The following DCDC2C variants were observed in gnomAD, a reference collection of about 807,000 sequenced individuals.
DCDC2C encodes the protein doublecortin domain-containing protein 2C.
In DCDC2C, 44 loss-of-function variants were observed where a neutral mutation model predicts 45.0. The ratio of observed to expected loss-of-function variants is 0.98; its 90% CI spans 0.77 to 1.26. The LOEUF (loss-of-function observed/expected upper bound fraction) is 1.26. DCDC2C is among the 50% of genes most tolerant of loss of function. DCDC2C has a pLI of 0.00. For synonymous variants in DCDC2C, 187 were observed against 178.8 expected (o/e 1.05, Z -0.37); for missense variants, 447 against 468.9 (o/e 0.95, Z 0.43).
intron 3 of DCDC2C, among the ~76,000 whole-genome samples, chr2:3,736,634 G>C (rs542507895): frequency 6.6e-6 from 1 of 152,298 alleles, no homozygotes; most frequent in South Asian, 2.1e-4. Context: ...ACCCAAAAGA[G>C]CCCATGGTTT....
In DCDC2C at chr2:3,837,622, A is replaced by ATACAGTATCAAG. The variant is rs1558249632; in HGVS notation, c.1066-9532_1066-9531insTACAGTATCAAG. Among the ~76,000 whole-genome samples, 35 of 124,468 alleles carry ATACAGTATCAAG rather than the reference A, an allele frequency of 2.8e-4. 8 individuals are homozygous for ATACAGTATCAAG. Among genetic ancestry groups the ATACAGTATCAAG allele is most frequent in the Non-Finnish European group, 4.1e-4 (22 of 53,990 alleles). 81.7% of individuals were successfully genotyped at this position (124,468 alleles called of 152,430 possible). A position where few individuals can be genotyped will look rare whatever the true frequency, so the allele number is the denominator to read the frequency against. On this transcript the variant is annotated intron_variant, in intron 10 of 10. Transcript: ENST00000399143. ...TCATCTAAAGGGGAAGAAACTGAGG[A>ATACAGTATCAAG]AGAAATCAGCCTTTGGCTCCCCCTT... is the stretch of plus-strand genomic sequence containing the variant.
intron 8 of DCDC2C, among the ~76,000 whole-genome samples, chr2:3,776,215 G>GTA (rs1412934663): frequency 8.5e-5 from 13 of 152,086 alleles, no homozygotes; most frequent in Admixed American, 5.9e-4. Flanking sequence ...AGTCCTTCTG[G>GTA]CTGGCATATG....
chr2:3,800,100 C>T (rs936242418), intron 10 of DCDC2C, among the ~76,000 whole-genome samples: 20 of 152,226 alleles, frequency 1.3e-4, no homozygotes, highest in Non-Finnish European at 1.9e-4. Flanking sequence ...GTTGGAAAAG[C>T]GCAGTATTCG....
At chr2:3,740,654 ATT>A (rs147711821) in intron 3 of DCDC2C, among the ~76,000 whole-genome samples, 2,701 of 152,318 alleles carry the variant, frequency 0.018, 77 homozygotes, top group African/African-American at 0.062. Flanking sequence ...ACATGGATAA[ATT>A]CTGATATAAC....
rs1669222897 is a variant in DCDC2C at position 3,741,931 on chromosome 2, A to G, written c.428A>G (p.Asn143Ser). Residue 143 changes from asparagine to serine, a missense_variant, in exon 4 of 11, where the codon AAT becomes AGT. By Grantham distance (46) the Asn-to-Ser change is conservative (BLOSUM62 1). Transcript: ENST00000399143. The part of the protein sequence containing the change: ...RISRHINVFT[N>S]GRLFIPPAKI... Reference sequence around the variant, plus strand: ...TTTTATTCTTACAGTGTTTTTACAAATGGAAGATTATTTATTCCACCTGCA... The same window carrying G: ...TTTTATTCTTACAGTGTTTTTACAAGTGGAAGATTATTTATTCCACCTGCA... The G allele has an allele frequency of 1.3e-6, 2 of 1,547,280 alleles. No individual in the cohort carries two copies. The highest frequency in any genetic ancestry group is 2.4e-5 in the South Asian group (2 of 82,852).
At position 3,723,516 on chromosome 2, in the gene DCDC2C, G is replaced by A. The variant is rs531935156; in HGVS notation, c.340-3487G>A. Among the ~76,000 whole-genome samples the A allele has an allele frequency of 5.9e-5, 9 of 152,324 alleles. No individual in the cohort carries two copies. The South Asian group carries it at 1.9e-3, about 32-fold the overall frequency. ...CATGGCCAGAGAGCAGGGAGGCTGG[G>A]AGGGGTGCAGAGACATGGCAGAGAG... is the stretch of plus-strand genomic sequence containing the variant. On this transcript the variant is annotated intron_variant, in intron 2 of 10. Transcript: ENST00000399143.
At chr2:3,816,125 C>T (rs752509530) in intron 10 of DCDC2C, among the ~76,000 whole-genome samples, 12 of 151,582 alleles carry the variant, frequency 7.9e-5, no homozygotes, top group Non-Finnish European at 7.4e-5. Context: ...TGGTAAGGGG[C>T]GATATTGTGG....
intron 2 of DCDC2C, among the ~76,000 whole-genome samples, chr2:3,717,656 A>G (rs1262858649): frequency 6.6e-6 from 1 of 151,436 alleles, no homozygotes; most frequent in Non-Finnish European, 1.5e-5. Context: ...ACATTAAGTC[A>G]CTCCTCTTGG....
chr2:3,726,899 C>T (rs1443215811), intron 2 of DCDC2C, 104 bp from the exon 3 acceptor site: 3 of 1,005,720 alleles, frequency 3.0e-6, no homozygotes, highest in African/African-American at 1.6e-5. Flanking sequence ...CAAAGGGGTT[C>T]CCCCCCTTTC....
chr2:3,820,523 G>A (rs11694096), intron 10 of DCDC2C, among the ~76,000 whole-genome samples: 58,947 of 151,974 alleles, frequency 0.39, 11,428 homozygotes, highest in South Asian at 0.46. Flanking sequence ...AGGCAGCCCC[G>A]TGGTGATCAG....
intron 10 of DCDC2C, among the ~76,000 whole-genome samples, chr2:3,802,839 A>T (rs549615433): frequency 6.6e-6 from 1 of 152,216 alleles, no homozygotes; most frequent in African/African-American, 2.4e-5. Context: ...TTAACTCTCA[A>T]GGGTCCCTGG....
chr2:3,743,199 A>G (rs1357178331), intron 4 of DCDC2C, among the ~76,000 whole-genome samples: 1 of 151,994 alleles, frequency 6.6e-6, no homozygotes, highest in East Asian at 1.9e-4. Flanking sequence ...CATCAAGAAT[A>G]TACAACAATT....
intron 1 of DCDC2C, among the ~76,000 whole-genome samples, chr2:3,706,798 G>A (rs182610148): frequency 2.0e-5 from 3 of 152,342 alleles, no homozygotes; most frequent in Non-Finnish European, 1.5e-5. Flanking sequence ...AGTTGTGATA[G>A]ATGACAGGAA....
At chr2:3,800,117 A>G (rs1179376688) in intron 10 of DCDC2C, among the ~76,000 whole-genome samples, 1 of 152,130 alleles carries the variant, frequency 6.6e-6, no homozygotes, top group East Asian at 1.9e-4. Context: ...TTCGGGTGGG[A>G]GTGACTCGAT....
intron 10 of DCDC2C, among the ~76,000 whole-genome samples, chr2:3,817,705 C>T (rs1472293541): frequency 1.3e-5 from 2 of 152,196 alleles, no homozygotes; most frequent in African/African-American, 2.4e-5. Context: ...TCCAACCACA[C>T]AGCCCTGCAC....
intron 10 of DCDC2C, among the ~76,000 whole-genome samples, chr2:3,813,782 C>T (rs1283845961): frequency 7.1e-6 from 1 of 141,246 alleles, no homozygotes; most frequent in Non-Finnish European, 1.5e-5. Flanking sequence ...TTTCCTCCAT[C>T]CCTTTATTTT....
At chr2:3,781,122 T>A (rs1009739561) in intron 9 of DCDC2C, among the ~76,000 whole-genome samples, 1 of 152,238 alleles carries the variant, frequency 6.6e-6, no homozygotes, top group Non-Finnish European at 1.5e-5. Context: ...GCCCTAAAAT[T>A]TGGCCCACGT....
chr2:3,767,046 G>GTA (rs1470346835), intron 6 of DCDC2C, among the ~76,000 whole-genome samples: 1 of 152,238 alleles, frequency 6.6e-6, no homozygotes, highest in Non-Finnish European at 1.5e-5. Context: ...CCAGGCCAAC[G>GTA]TAAGTGTTGC....
intron 10 of DCDC2C, among the ~76,000 whole-genome samples, chr2:3,795,086 G>T (rs1462551182): frequency 6.6e-6 from 1 of 151,584 alleles, no homozygotes. Context: ...ATCTCATTAT[G>T]GTTTTGATTT....
Sources: gnomAD v4.1 joint callset for allele counts (sites outside exome capture counted in the v4.1 genomes callset) on GRCh38, gnomAD v4.1.1 for gene constraint, MANE v1.5 for transcripts, NCBI Gene and HGNC (gene_info 2026-07-23, HGNC 2026-07-21) for gene names.